DIP2C: variants seen among roughly 807,000 people sequenced by gnomAD.
DIP2C encodes the protein DIP2 acetate--CoA ligase C (putative).
A neutral mutation model predicts 192.4 loss-of-function variants in DIP2C; 33 were observed. That is an observed-to-expected ratio of 0.17 (90% CI 0.13 to 0.23). DIP2C has a LOEUF of 0.23. DIP2C is among the 10% of genes least tolerant of loss of function. DIP2C has a pLI of 1.00. For synonymous variants in DIP2C, 979 were observed against 864.1 expected (o/e 1.13, Z -2.33); for missense variants, 1,537 against 2,110.1 (o/e 0.73, Z 5.32).
chr10:369,753 GCA>G (rs775901203), intron 17 of DIP2C, 120 bp from the exon 18 acceptor site: 6 of 1,535,134 alleles, frequency 3.9e-6, no homozygotes, highest in Non-Finnish European at 5.3e-6. Context: ...GGCACCCCAG[GCA>G]CAGTGCTGGC....
intron 2 of DIP2C, among the ~76,000 whole-genome samples, chr10:480,679 C>T (rs1317119788): frequency 6.6e-6 from 1 of 152,250 alleles, no homozygotes; most frequent in African/African-American, 2.4e-5. Flanking sequence ...CCCTCCATAG[C>T]GGCTGGCGCC....
intron 1 of DIP2C, among the ~76,000 whole-genome samples, chr10:619,569 C>T (rs1194800930): frequency 1.5e-5 from 2 of 136,592 alleles, no homozygotes; most frequent in Admixed American, 7.2e-5. Context: ...TCACGCACTC[C>T]CGTGCGAGCT....
intron 1 of DIP2C, among the ~76,000 whole-genome samples, chr10:577,409 C>T (rs1003738081): frequency 3.3e-5 from 5 of 152,204 alleles, no homozygotes; most frequent in African/African-American, 4.8e-5. Flanking sequence ...TCTATGTGGC[C>T]GTAACAGTTT....
intron 13 of DIP2C, among the ~76,000 whole-genome samples, chr10:389,036 T>C: frequency 7.8e-6 from 1 of 128,070 alleles, no homozygotes; most frequent in African/African-American, 3.1e-5. Context: ...TTCTCTGGGG[T>C]CTCAAGGGGC....
At chr10:614,827 T>C (rs1853339089) in intron 1 of DIP2C, among the ~76,000 whole-genome samples, 1 of 152,158 alleles carries the variant, frequency 6.6e-6, no homozygotes, top group Non-Finnish European at 1.5e-5. Flanking sequence ...CTCTCTGCAT[T>C]CTCCACACTG....
intron 29 of DIP2C, among the ~76,000 whole-genome samples, chr10:330,758 G>A (rs116306407): frequency 0.016 from 2,406 of 151,322 alleles, 50 homozygotes; most frequent in African/African-American, 0.055. Flanking sequence ...AGATGTGCCT[G>A]GCCTCCCAAA....
intron 1 of DIP2C, among the ~76,000 whole-genome samples, chr10:583,036 C>T (rs959022194): frequency 6.6e-6 from 1 of 152,192 alleles, no homozygotes; most frequent in Non-Finnish European, 1.5e-5. Flanking sequence ...ATGGCAGTTG[C>T]CACATATTTT....
chr10:311,899 G>A (rs945437922), intron 31 of DIP2C, among the ~76,000 whole-genome samples: 4 of 152,150 alleles, frequency 2.6e-5, no homozygotes, highest in Non-Finnish European at 5.9e-5. Flanking sequence ...GCACTGCACC[G>A]TGTCACTCAC....
rs540557030 is a variant in DIP2C, at chr10:283,202, C to A, written c.4294+70G>T. 340 of 1,550,066 alleles carry A rather than the reference C, an allele frequency of 2.2e-4. 3 individuals are homozygous for A. In the South Asian group the frequency reaches 3.9e-3, roughly 18 times the overall value. ...TGGCTGCTGTAAACCTTGGGAAAGG[C>A]TTCTGTATCTACAGGAGCCTAACCT... On this transcript the variant is annotated intron_variant, in intron 35 of 36. Coordinates refer to ENST00000280886, the MANE Select transcript of DIP2C (RefSeq NM_014974.3).
At chr10:473,792 A>G (rs769217480) in intron 2 of DIP2C, among the ~76,000 whole-genome samples, 58 of 152,274 alleles carry the variant, frequency 3.8e-4, no homozygotes, top group Non-Finnish European at 7.3e-4. Context: ...TTTTAAGTTA[A>G]CAAAAGAAAT....
intron 1 of DIP2C, among the ~76,000 whole-genome samples, chr10:639,116 C>G (rs1854994750): frequency 6.6e-6 from 1 of 151,402 alleles, no homozygotes; most frequent in African/African-American, 2.4e-5. Flanking sequence ...AGGATGCTGC[C>G]CGGCTCACAG....
chr10:577,825 T>G (rs866788700), intron 1 of DIP2C, among the ~76,000 whole-genome samples: 8 of 144,350 alleles, frequency 5.5e-5, no homozygotes, highest in African/African-American at 7.7e-5. Flanking sequence ...TTTTTTGTGT[T>G]TTTTTTTTTT....
At chr10:541,076 GGAGCCACAACACCCGA>G (rs1304495521) in intron 1 of DIP2C, among the ~76,000 whole-genome samples, 1 of 143,060 alleles carries the variant, frequency 7.0e-6, no homozygotes, top group Non-Finnish European at 1.5e-5. Context: ...CCGATGCTGG[GGAGCCACAACACCCGA>G]TGCTGGGGAG....
chr10:645,307 AT>A (rs1273471604), intron 1 of DIP2C, among the ~76,000 whole-genome samples: 2 of 152,128 alleles, frequency 1.3e-5, no homozygotes, highest in East Asian at 3.9e-4. Flanking sequence ...ACACCCCCTT[AT>A]CAAAGTGGCA....
At chr10:401,158 A>C (rs12774980) in intron 9 of DIP2C, among the ~76,000 whole-genome samples, 63 of 149,204 alleles carry the variant, frequency 4.2e-4, no homozygotes, top group Non-Finnish European at 6.8e-4. Context: ...GTATGTGTTC[A>C]TCAGCACATG....
At chr10:382,376 T>C (rs1962454515) in intron 17 of DIP2C, among the ~76,000 whole-genome samples, 1 of 152,134 alleles carries the variant, frequency 6.6e-6, no homozygotes, top group Non-Finnish European at 1.5e-5. Flanking sequence ...AAGGACACGG[T>C]ATTACGATTC....
chr10:370,006 C>A (rs140381767), intron 17 of DIP2C: 1 of 985,336 alleles, frequency 1.0e-6, no homozygotes, highest in African/African-American at 1.7e-5. Context: ...ACGGTCTGCT[C>A]TTCTAGTTTT....
intron 1 of DIP2C, chr10:630,015 C>G (rs568566805): frequency 6.6e-6 from 1 of 152,364 alleles, no homozygotes; most frequent in East Asian, 1.9e-4. Flanking sequence ...ACACCTGCAC[C>G]CACCTTGCTG....
chr10:535,623 T>G (rs1346997083), intron 1 of DIP2C, among the ~76,000 whole-genome samples: 1 of 152,232 alleles, frequency 6.6e-6, no homozygotes, highest in East Asian at 1.9e-4. Context: ...CACTCGTCAC[T>G]GCTGACCTCA....
Sources: allele counts gnomAD v4.1 joint callset (sites outside exome capture counted in the v4.1 genomes callset), GRCh38; gene constraint gnomAD v4.1.1; transcripts MANE v1.5; gene names NCBI Gene and HGNC (gene_info 2026-07-23, HGNC 2026-07-21).